SPTB: variants seen among roughly 807,000 people sequenced by gnomAD.
SPTB encodes the protein spectrin beta, erythrocytic.
Under a neutral mutation model 256.2 loss-of-function variants are expected in SPTB, and 45 were observed. The ratio of observed to expected loss-of-function variants is 0.18; its 90% confidence interval spans 0.14 to 0.23. The LOEUF (loss-of-function observed/expected upper bound fraction) is 0.23, where lower values mean the gene tolerates loss of function less well. SPTB is among the 10% of genes least tolerant of loss of function. The pLI is 1.00. For synonymous variants in SPTB, 1,231 were observed against 1,243.1 expected, an observed-to-expected ratio of 0.99 and a Z score of 0.21; for missense variants, 2,715 against 3,040.4, an observed-to-expected ratio of 0.89 and a Z score of 2.52.
At chr14:64,837,199 G>A (rs1350223920) in intron 1 of SPTB, among the ~76,000 whole-genome samples, 1 of 152,188 alleles carries the variant, frequency 6.6e-6, no homozygotes, top group Non-Finnish European at 1.5e-5. Context: ...TGGAGGCTCA[G>A]ACCTCTTAGT....
chr14:64,876,142 T>C (rs1882812922), intron 1 of SPTB, among the ~76,000 whole-genome samples: 1 of 152,070 alleles, frequency 6.6e-6, no homozygotes, highest in Non-Finnish European at 1.5e-5. Context: ...TTTATATCAA[T>C]TTTTTGTTTG....
chr14:64,746,736 G>A lies in SPTB; in HGVS notation c.*2570C>T, dbSNP rs2081849015. On this transcript the variant is annotated 3_prime_UTR_variant, in exon 36 of 36. Transcript: ENST00000644917. The surrounding 1 kb of genome is among the most constrained non-coding windows in gnomAD (Gnocchi z 4.9). ...AGAGTCAGTTGAGGCTGGGACAAAG[G>A]GGAAGGAGAGAGGGAAGGAGGACCG... The A allele has an allele frequency of 6.6e-6, 1 of 152,618 alleles. No homozygotes were observed. Among genetic ancestry groups the A allele is most frequent in the Non-Finnish European group, 1.5e-5 (1 of 68,142 alleles). 9.5% of individuals were successfully genotyped at this position (152,618 alleles called of 1,614,324 possible).
intron 32 of SPTB, among the ~76,000 whole-genome samples, chr14:64,765,042 G>GTGCA (rs1566739855): frequency 8.2e-6 from 1 of 121,772 alleles, no homozygotes; most frequent in African/African-American, 3.2e-5. Context: ...GTGTGTGTGT[G>GTGCA]CGCGCGCGCG....
chr14:64,781,884 TA>T (rs1171783283), intron 20 of SPTB, among the ~76,000 whole-genome samples: 1 of 152,070 alleles, frequency 6.6e-6, no homozygotes. Context: ...TTCACAGCCA[TA>T]AAAAAAGAAC....
chr14:64,848,873 A>C (rs997857616), intron 1 of SPTB, among the ~76,000 whole-genome samples: 1 of 152,238 alleles, frequency 6.6e-6, no homozygotes, highest in African/African-American at 2.4e-5. Context: ...TATATTAATA[A>C]AAATCAATTG....
At chr14:64,783,526 C>T (rs2082510719) in intron 19 of SPTB, among the ~76,000 whole-genome samples, 1 of 152,122 alleles carries the variant, frequency 6.6e-6, no homozygotes, top group East Asian at 1.9e-4. Flanking sequence ...TATTGAGTGT[C>T]TCATAATTGC....
chr14:64,856,413 G>A (rs2083873856), intron 1 of SPTB, among the ~76,000 whole-genome samples: 1 of 152,188 alleles, frequency 6.6e-6, no homozygotes, highest in Non-Finnish European at 1.5e-5. Context: ...CACATTCTCA[G>A]AACAGCTGAG....
Position 64,826,903 on chromosome 14 carries a change from A to T in SPTB, c.-51-3758T>A, listed in dbSNP as rs974648216. ...AAGGCTTGCCCACAGCTCAGCACTGAAAACCTCATGGGATCACACAGAGGA... is the reference window on the plus strand; with the variant it reads ...AAGGCTTGCCCACAGCTCAGCACTGTAAACCTCATGGGATCACACAGAGGA... On this transcript the variant is annotated intron_variant, in intron 1 of 35. Transcript: ENST00000644917. This position sits in a 1 kb window ranked among gnomAD's most constrained non-coding sequence, Gnocchi z 4.4. Among the ~76,000 whole-genome samples, 1 of 152,322 alleles carries T rather than the reference A, an allele frequency of 6.6e-6. No individual in the cohort carries two copies. The highest frequency in any genetic ancestry group is 6.5e-5 in the Admixed American group (1 of 15,302).
At chr14:64,820,255 C>T (rs978843412) in intron 2 of SPTB, among the ~76,000 whole-genome samples, 5 of 152,020 alleles carry the variant, frequency 3.3e-5, no homozygotes, top group African/African-American at 1.2e-4. Context: ...CTAAGGTGGC[C>T]CCAACAACAG....
intron 1 of SPTB, among the ~76,000 whole-genome samples, chr14:64,869,100 T>C (rs1882365152): frequency 6.6e-6 from 1 of 151,396 alleles, no homozygotes; most frequent in African/African-American, 2.4e-5. Flanking sequence ...GCAGGCACAG[T>C]GGTTCAAAGC....
intron 2 of SPTB, among the ~76,000 whole-genome samples, chr14:64,817,573 G>C (rs2083214504): frequency 6.6e-6 from 1 of 152,234 alleles, no homozygotes; most frequent in African/African-American, 2.4e-5. Flanking sequence ...ACCTGAATCT[G>C]TCAACTTAAC....
rs1391249258 is a variant in SPTB, at chr14:64,775,545, A to G, written c.4564-142T>C. The G allele has an allele frequency of 1.7e-5, 19 of 1,138,140 alleles. No individual in the cohort carries two copies. Among genetic ancestry groups the G allele is most frequent in the Non-Finnish European group, 2.2e-5 (18 of 821,106 alleles). The allele number at this position is 1,138,140 out of a possible 1,614,324, so 70.5% of individuals were successfully genotyped here. Reference sequence around the variant, plus strand: ...AGAGCAGGTGATGGCGATAAGAACTACCAATGACCTCTTGCGGGCTGCTAA... The same window carrying G: ...AGAGCAGGTGATGGCGATAAGAACTGCCAATGACCTCTTGCGGGCTGCTAA... On this transcript the variant is annotated intron_variant, in intron 22 of 35. Coordinates refer to ENST00000644917, the MANE Select transcript of SPTB (RefSeq NM_001355436.2). This position sits in a 1 kb window ranked among gnomAD's most constrained non-coding sequence, Gnocchi z 5.0.
chr14:64,867,859 CAAAAAAA>C (rs35825614), intron 1 of SPTB, among the ~76,000 whole-genome samples: 5 of 124,076 alleles, frequency 4.0e-5, no homozygotes, highest in African/African-American at 1.2e-4. Context: ...GACTCTGTCT[CAAAAAAA>C]AAAAAAAAAA....
rs229637 is a variant in SPTB at position 64,783,346 on chromosome 14, C to T, written c.4003-793G>A. Among the ~76,000 whole-genome samples the T allele has an allele frequency of 4.6e-3, 707 of 152,134 alleles. 6 individuals are homozygous for T. Among genetic ancestry groups the T allele is most frequent in the East Asian group, 0.017 (86 of 5,170 alleles). The stretch of plus-strand genomic sequence containing the variant: ...TCTCCTGAGTAGCTGGGATTACAGG[C>T]GTATGCCACCATGCCCAGATAATTT... On this transcript the variant is annotated intron_variant, in intron 19 of 35. Coordinates refer to ENST00000644917, the MANE Select transcript of SPTB (RefSeq NM_001355436.2).
chr14:64,749,253 G>T lies in SPTB; in HGVS notation c.*53C>A. 6.5e-7 allele frequency: 1 copy of T among 1,536,258 alleles called. No homozygotes were observed. Among genetic ancestry groups the T allele is most frequent in the Non-Finnish European group, 8.7e-7 (1 of 1,145,758 alleles). On this transcript the variant is annotated 3_prime_UTR_variant, in exon 36 of 36. Coordinates refer to ENST00000644917, the MANE Select transcript of SPTB (RefSeq NM_001355436.2). The surrounding 1 kb of genome is among the most constrained non-coding windows in gnomAD (Gnocchi z 4.7). ...GGCGGCGAGAGGAGGCCAAGGCCTG[G>T]GCTGCCCGGTCTCTGCGCGTCCCGA...
intron 1 of SPTB, among the ~76,000 whole-genome samples, chr14:64,851,664 C>G (rs1278039832): frequency 1.3e-5 from 2 of 152,146 alleles, no homozygotes; most frequent in African/African-American, 2.4e-5. Context: ...TACATATACA[C>G]CATGGAATAC....
intron 9 of SPTB, 62 bp from the exon 10 acceptor site, chr14:64,797,908 A>T: frequency 8.3e-7 from 1 of 1,210,356 alleles, no homozygotes; most frequent in Non-Finnish European, 1.2e-6. Context: ...TTTTTTTGCT[A>T]AAGTCAACAC....
chr14:64,874,907 G>A (rs1421109233), intron 1 of SPTB, among the ~76,000 whole-genome samples: 1 of 152,074 alleles, frequency 6.6e-6, no homozygotes, highest in Non-Finnish European at 1.5e-5. Context: ...TAAATATCCT[G>A]GATGATCTGA....
Position 64,826,936 on chromosome 14 carries a change from C to T in SPTB, c.-51-3791G>A, listed in dbSNP as rs1051567572. Among the ~76,000 whole-genome samples the T allele has an allele frequency of 6.6e-6, 1 of 152,208 alleles. No individual in the cohort carries two copies. The highest frequency in any genetic ancestry group is 1.5e-5 in the Non-Finnish European group (1 of 68,028). Reference sequence around the variant, plus strand: ...ATGGGATCACACAGAGGACTCAGCTCACAGAAGGAACATGTACTTATTAAT... The same window carrying T: ...ATGGGATCACACAGAGGACTCAGCTTACAGAAGGAACATGTACTTATTAAT... On this transcript the variant is annotated intron_variant, in intron 1 of 35. Transcript: ENST00000644917. The surrounding 1 kb of genome is among the most constrained non-coding windows in gnomAD (Gnocchi z 4.4).
Sources: allele counts gnomAD v4.1 joint callset (sites outside exome capture counted in the v4.1 genomes callset), GRCh38; gene constraint gnomAD v4.1.1; non-coding constraint Gnocchi (gnomAD v3.1); transcripts MANE v1.5; gene names NCBI Gene and HGNC (gene_info 2026-07-23, HGNC 2026-07-21).